TMEM43: variants seen among roughly 807,000 people sequenced by gnomAD.
TMEM43 encodes transmembrane protein 43, also known as arrhythmogenic right ventricular dysplasia 5.
In TMEM43, 45 loss-of-function variants were observed where a neutral mutation model predicts 49.6. The ratio of observed to expected loss-of-function variants is 0.91; its 90% CI spans 0.71 to 1.16. The LOEUF is 1.16. TMEM43 is among the 50% of genes most tolerant of loss of function. The pLI is 0.00. For missense variants in TMEM43, 532 were observed against 516.6 expected (o/e 1.03, Z -0.29); for synonymous variants, 199 against 207.8 (o/e 0.96, Z 0.36).
intron 2 of TMEM43, among the ~76,000 whole-genome samples, chr3:14,130,447 G>A (rs1475995084): frequency 6.6e-6 from 1 of 152,038 alleles, no homozygotes; most frequent in East Asian, 1.9e-4. Context: ...AGCAGCCTGG[G>A]CAACATAGCA....
Position 14,131,595 on chromosome 3 carries a change from A to G in TMEM43, c.313A>G (p.Asn105Asp). The G allele has an allele frequency of 6.2e-7, 1 of 1,614,080 alleles. No individual in the cohort carries two copies. Among genetic ancestry groups the G allele is most frequent in the South Asian group, 1.1e-5 (1 of 91,070 alleles). The change falls in exon 4 of 12, where the codon AAC becomes GAC. Residue 105 changes from asparagine (N) to aspartate (D), a missense_variant. Physicochemically the swap from Asn to Asp is conservative, Grantham distance 23. Transcript: ENST00000306077. ...CTGTTTGAAGCTTTTGTCTGATCCA[A>G]ACTATGGGGTCCATCTTCCGGCTGT... ...LRTSKLLSDP[N>D]YGVHLPAVKL...
chr3:14,138,405 G>T (rs1039711594), intron 10 of TMEM43, among the ~76,000 whole-genome samples: 1 of 152,108 alleles, frequency 6.6e-6, no homozygotes, highest in African/African-American at 2.4e-5. Context: ...GGCAGACAGT[G>T]GTAAGAGACT....
rs756764750 is a variant in TMEM43, at chr3:14,130,872, G to A, written c.213G>A (p.Val71=). The part of the protein sequence containing the change: ...ATSLAEGLSL[V]VSPDSIHSVA... ...CATTGGCTGAGGGGCTCTCGCTTGT[G>A]GTGTCTCCCGACAGCATCCACAGTG... Residue 71 remains valine (V), a synonymous_variant, in exon 3 of 12, where the codon GTG becomes GTA. Transcript: ENST00000306077. 43 of 1,613,660 alleles carry A rather than the reference G, an allele frequency of 2.7e-5. No homozygotes were observed. The highest frequency in any genetic ancestry group is 3.4e-5 in the Non-Finnish European group (40 of 1,179,836).
In TMEM43 at chr3:14,141,689, C is replaced by T. The variant is rs914027156; in HGVS notation, c.1097C>T (p.Ala366Val). ...TCGCTGACCCTGCTGACCGTGGCGGCTGGCTGGCTCTTCTACCGACCCCTG... is the reference window on the plus strand; with the variant it reads ...TCGCTGACCCTGCTGACCGTGGCGGTTGGCTGGCTCTTCTACCGACCCCTG... ...ATSLTLLTVAAGWLFYRPLWA... is the reference protein window; with the variant it reads ...ATSLTLLTVAVGWLFYRPLWA... Residue 366 changes from alanine to valine, a missense_variant, in exon 12 of 12, where the codon GCT (alanine) becomes GTT (valine). By Grantham distance (64) the Ala-to-Val change is moderately conservative. Transcript: ENST00000306077. The T allele has an allele frequency of 6.2e-7, 1 of 1,614,216 alleles. No homozygotes were observed. The highest frequency in any genetic ancestry group is 1.7e-5 in the Admixed American group (1 of 60,032).
chr3:14,131,400 T>C lies in TMEM43; in HGVS notation c.298-180T>C, dbSNP rs574163806. ...GAGGGTCACAGTCACAGGCACTGTG[T>C]GTAAAGAACCTGGGACAGGGAGTGT... On this transcript the variant is annotated intron_variant, in intron 3 of 11. Coordinates refer to ENST00000306077, the MANE Select transcript of TMEM43 (RefSeq NM_024334.3). Among the ~76,000 whole-genome samples, 7 of 152,350 alleles carry C rather than the reference T, an allele frequency of 4.6e-5. No individual in the cohort carries two copies. In the South Asian group the frequency reaches 1.4e-3, roughly 32 times the overall value.
Position 14,143,488 on chromosome 3 carries a change from C to T in TMEM43, c.*1693C>T, listed in dbSNP as rs1695282213. 1 of 152,164 alleles carries T rather than the reference C, an allele frequency of 6.6e-6. No individual in the cohort carries two copies. Among genetic ancestry groups the T allele is most frequent in the African/African-American group, 2.4e-5 (1 of 41,426 alleles). The allele number at this position is 152,164 out of a possible 1,614,324, so 9.4% of individuals were successfully genotyped here. On this transcript the variant is annotated 3_prime_UTR_variant, in exon 12 of 12. Transcript: ENST00000306077. The stretch of plus-strand genomic sequence containing the variant: ...ATGCTTTCGGAAAACACGCTGTATA[C>T]CTAGATGATGACTAAATGCAAAATC...
At chr3:14,135,568 C>T (rs1212699567) in intron 9 of TMEM43, among the ~76,000 whole-genome samples, 1 of 152,212 alleles carries the variant, frequency 6.6e-6, no homozygotes, top group Non-Finnish European at 1.5e-5. Context: ...GCAGTCCTGC[C>T]CCATCCCCTG....
At chr3:14,135,621 A>G in intron 9 of TMEM43, among the ~76,000 whole-genome samples, 186 bp from the exon 10 acceptor site, 1 of 152,198 alleles carries the variant, frequency 6.6e-6, no homozygotes, top group Middle Eastern at 3.2e-3. Flanking sequence ...GGAGCTTTGA[A>G]TGGAGCAGCT....
intron 11 of TMEM43, 68 bp downstream of exon 11, chr3:14,139,365 C>T: frequency 8.9e-7 from 1 of 1,123,024 alleles, no homozygotes; most frequent in Non-Finnish European, 1.4e-6. Context: ...CCTGTCGCAT[C>T]ATCTCAGCCC....
chr3:14,131,169 A>G (rs1695090633), intron 3 of TMEM43, among the ~76,000 whole-genome samples: 1 of 152,228 alleles, frequency 6.6e-6, no homozygotes, highest in Non-Finnish European at 1.5e-5. Flanking sequence ...GCTTGTGGCC[A>G]GCCTTGAGGA....
In TMEM43 at chr3:14,135,110, G is replaced by A. The variant is rs772750279; in HGVS notation, c.706-48G>A. 63 of 1,576,208 alleles carry A rather than the reference G, an allele frequency of 4.0e-5. No individual in the cohort carries two copies. In the Middle Eastern group the frequency reaches 1.0e-3, roughly 25 times the overall value. On this transcript the variant is annotated intron_variant, in intron 8 of 11. Transcript: ENST00000306077. ...CCGAGGCATCCTGGACCTGGGCCTG[G>A]GCCAGCTACTCCGTTCCTCACTCTC... is the stretch of plus-strand genomic sequence containing the variant.
chr3:14,135,791 C>G lies in TMEM43; in HGVS notation c.781-16C>G. On this transcript the variant is annotated splice_polypyrimidine_tract_variant and intron_variant, in intron 9 of 11. Coordinates refer to ENST00000306077, the MANE Select transcript of TMEM43 (RefSeq NM_024334.3). Reference sequence around the variant, plus strand: ...GCTGGTCACCCCTCAGCTCTAACACCAGGTCCTCTGACCAGGTCACTGTGA... The same window carrying G: ...GCTGGTCACCCCTCAGCTCTAACACGAGGTCCTCTGACCAGGTCACTGTGA... The G allele has an allele frequency of 1.9e-6, 3 of 1,610,464 alleles. No homozygotes were observed. Among genetic ancestry groups the G allele is most frequent in the Non-Finnish European group, 2.5e-6 (3 of 1,178,334 alleles).
chr3:14,137,328 C>A, intron 10 of TMEM43: 1 of 136,890 alleles, frequency 7.3e-6, no homozygotes, highest in African/African-American at 3.1e-5. Context: ...AGGCCCAGTC[C>A]AGGCCTTGCT....
intron 1 of TMEM43, among the ~76,000 whole-genome samples, chr3:14,125,746 G>A (rs925371250): frequency 6.6e-6 from 1 of 152,176 alleles, no homozygotes; most frequent in African/African-American, 2.4e-5. Context: ...GGCTGGGAGC[G>A]AAGGAGTTGG....
chr3:14,131,301 C>T (rs1354255338), intron 3 of TMEM43, among the ~76,000 whole-genome samples: 1 of 152,240 alleles, frequency 6.6e-6, no homozygotes, highest in African/African-American at 2.4e-5. Flanking sequence ...GGCACCAGAG[C>T]TTTCCTGTTA....
rs756294633 is a variant in TMEM43 at position 14,135,870 on chromosome 3, A to G, written c.844A>G (p.Thr282Ala). Residue 282 changes from threonine (T) to alanine (A), a missense_variant, in exon 10 of 12, where the codon ACC becomes GCC. Thr to Ala is a moderately conservative substitution (Grantham distance 58). Coordinates refer to ENST00000306077, the MANE Select transcript of TMEM43 (RefSeq NM_024334.3). ...CCCATTCTCCACCAAGTCTGGGGATACCTTACTGCTCCTGCACCACGGGGA... is the reference window on the plus strand; with the variant it reads ...CCCATTCTCCACCAAGTCTGGGGATGCCTTACTGCTCCTGCACCACGGGGA... The part of the protein sequence containing the change: ...LVPFSTKSGD[T>A]LLLLHHGDFS... 2.4e-5 allele frequency: 39 copies of G among 1,614,038 alleles called. No individual in the cohort carries two copies. The highest frequency in any genetic ancestry group is 3.1e-5 in the Non-Finnish European group (37 of 1,180,040).
At chr3:14,131,486 T>C (rs1350532797) in intron 3 of TMEM43, 94 bp from the exon 4 acceptor site, 1 of 1,015,012 alleles carries the variant, frequency 9.9e-7, no homozygotes, top group Non-Finnish European at 1.5e-6. Context: ...TCTCTATTTC[T>C]TCCTCTTCCA....
intron 10 of TMEM43, 83 bp from the exon 11 acceptor site, chr3:14,139,080 AACAGCTCCCGAGTTGGT>A: frequency 1.1e-6 from 1 of 874,668 alleles, no homozygotes; most frequent in Non-Finnish European, 2.0e-6. Context: ...AGAAATGGCC[AACAGCTCCCGAGTTGGT>A]ACAGCCCCCT....
intron 6 of TMEM43, among the ~76,000 whole-genome samples, 171 bp downstream of exon 6, chr3:14,133,106 T>C (rs1421887834): frequency 6.6e-6 from 1 of 152,184 alleles, no homozygotes; most frequent in Non-Finnish European, 1.5e-5. Flanking sequence ...CACAGAGACT[T>C]GTCTCCCCTG....
Sources: allele counts gnomAD v4.1 joint callset (sites outside exome capture counted in the v4.1 genomes callset), GRCh38; gene constraint gnomAD v4.1.1; transcripts MANE v1.5; gene names NCBI Gene and HGNC (gene_info 2026-07-23, HGNC 2026-07-21).